The following CAND2 variants were observed in gnomAD, a reference collection of about 807,000 sequenced individuals.
The protein encoded by CAND2 is cullin associated and neddylation dissociated 2 (putative).
In CAND2, 62 loss-of-function variants were observed where a neutral mutation model predicts 98.9. The observed-to-expected ratio is 0.63, with a 90% CI of 0.51 to 0.77. The LOEUF is 0.77. CAND2 is among the 30% of genes least tolerant of loss of function. The pLI is 0.00. For missense variants in CAND2, 1,501 were observed against 1,655.2 expected (o/e 0.91, Z 1.62); for synonymous variants, 770 against 731.9 (o/e 1.05, Z -0.84).
intron 2 of CAND2, among the ~76,000 whole-genome samples, chr3:12,804,993 G>GT (rs2061795545): frequency 6.6e-6 from 1 of 152,196 alleles, no homozygotes; most frequent in Admixed American, 6.5e-5. Context: ...ATAACAAATA[G>GT]TTTGTAATAC....
intron 1 of CAND2, among the ~76,000 whole-genome samples, chr3:12,798,350 A>AT (rs1195719681): frequency 2.0e-5 from 3 of 151,636 alleles, no homozygotes; most frequent in African/African-American, 7.3e-5. Flanking sequence ...AGCTCCCATC[A>AT]TGCCTCCCCT....
chr3:12,815,863 A>T lies in CAND2; in HGVS notation c.1300-4A>T. 6.2e-7 allele frequency: 1 copy of T among 1,611,438 alleles called. No individual in the cohort carries two copies. The highest frequency in any genetic ancestry group is 8.5e-7 in the Non-Finnish European group (1 of 1,178,246). On this transcript the variant is annotated splice_polypyrimidine_tract_variant and splice_region_variant and intron_variant, in intron 8 of 14. Coordinates refer to ENST00000456430, the MANE Select transcript of CAND2 (RefSeq NM_001162499.2). The surrounding 1 kb of genome is among the most constrained non-coding windows in gnomAD (Gnocchi z 5.7). ...TGACCTTGACTTCCCCCTCCTGCCC[A>T]CAGGTGCCCCTTGTGGTCAAGGCCC...
At chr3:12,796,842 T>C (rs2124826945) in intron 1 of CAND2, 54 bp downstream of exon 1, 2 of 1,444,014 alleles carry the variant, frequency 1.4e-6, no homozygotes, top group Middle Eastern at 1.7e-4. Flanking sequence ...GCCGGGGGCC[T>C]TCTTCCCCTC....
intron 1 of CAND2, 110 bp from the exon 2 acceptor site, chr3:12,803,378 G>T: frequency 9.9e-7 from 1 of 1,014,668 alleles, no homozygotes. Flanking sequence ...GACTGCATTT[G>T]ACCTCGAATC....
rs539271019 is a variant in CAND2, at chr3:12,815,298, C to T, written c.1164C>T (p.Arg388=). Residue 388 remains arginine, a synonymous_variant, in exon 8 of 15, where the codon CGC becomes CGT. Coordinates refer to ENST00000456430, the MANE Select transcript of CAND2 (RefSeq NM_001162499.2). This position sits in a 1 kb window ranked among gnomAD's most constrained non-coding sequence, Gnocchi z 5.7. ...TGCTCATCCGCCGCTTCAAAGAACG[C>T]GAGGAGAACGTCAAGGCTGACGTCT... ...APVLIRRFKE[R]EENVKADVFT... 57 of 1,613,856 alleles carry T rather than the reference C, an allele frequency of 3.5e-5. No individual in the cohort carries two copies. Among genetic ancestry groups the T allele is most frequent in the Non-Finnish European group, 4.4e-5 (52 of 1,180,048 alleles).
intron 12 of CAND2, 133 bp downstream of exon 12, chr3:12,825,772 C>T (rs887023004): frequency 1.0e-6 from 1 of 954,968 alleles, no homozygotes; most frequent in African/African-American, 1.6e-5. Context: ...TGCCCTGACT[C>T]CGAGCTGTGG....
chr3:12,815,007 G>T lies in CAND2; in HGVS notation c.1007-134G>T. The T allele has an allele frequency of 1.2e-6, 1 of 812,986 alleles. No homozygotes were observed. The allele number at this position is 812,986 out of a possible 1,614,324, so 50.4% of individuals were successfully genotyped here. ...TAAAAGGTAGGGAATGTTCCCCATA[G>T]GGTATCTATAAATGCTGATCATCAA... On this transcript the variant is annotated intron_variant, in intron 7 of 14. Coordinates refer to ENST00000456430, the MANE Select transcript of CAND2 (RefSeq NM_001162499.2). This position sits in a 1 kb window ranked among gnomAD's most constrained non-coding sequence, Gnocchi z 5.7.
At chr3:12,832,477 G>A (rs2062061818) in intron 14 of CAND2, 1 of 152,188 alleles carries the variant, frequency 6.6e-6, no homozygotes, top group Middle Eastern at 3.2e-3. Context: ...GGCAAGAGAA[G>A]CTCTGCCCTG....
chr3:12,820,137 C>T lies in CAND2; in HGVS notation c.2996C>T (p.Ser999Leu), dbSNP rs201649898. 1.0e-4 allele frequency: 166 copies of T among 1,614,190 alleles called. 1 individual carries two copies. In the East Asian group the frequency reaches 3.3e-3, roughly 32 times the overall value. ...TVITAVKFLI[S>L]DQPHPIDPLL... ...ATCACAGCGGTCAAGTTCCTTATCT[C>T]GGACCAGCCCCATCCCATTGACCCC... Residue 999 changes from serine to leucine, a missense_variant, in exon 11 of 15, where the codon TCG (serine) becomes TTG (leucine). By Grantham distance (145) the Ser-to-Leu change is moderately radical (BLOSUM62 -2). Transcript: ENST00000456430.
chr3:12,826,436 G>T (rs2061999762), intron 12 of CAND2, among the ~76,000 whole-genome samples: 1 of 151,294 alleles, frequency 6.6e-6, no homozygotes, highest in East Asian at 1.9e-4. Context: ...CTTTTTTGTT[G>T]TTTTTTTTTG....
chr3:12,799,700 G>T (rs1287052524), intron 1 of CAND2, among the ~76,000 whole-genome samples: 2 of 152,206 alleles, frequency 1.3e-5, no homozygotes, highest in Non-Finnish European at 2.9e-5. Flanking sequence ...ATGAGCCTCT[G>T]CCCTCAGTGA....
intron 1 of CAND2, 114 bp downstream of exon 1, chr3:12,796,902 C>T: frequency 1.2e-6 from 1 of 839,858 alleles, no homozygotes; most frequent in Non-Finnish European, 2.0e-6. Flanking sequence ...TGCCTCTTCT[C>T]TCTTCTCCCT....
At chr3:12,799,920 A>T (rs1025318219) in intron 1 of CAND2, among the ~76,000 whole-genome samples, 2 of 149,446 alleles carry the variant, frequency 1.3e-5, no homozygotes, top group Non-Finnish European at 2.9e-5. Flanking sequence ...GAATAGGAGG[A>T]GCTCAACAGA....
chr3:12,830,537 C>A (rs2062044538), intron 13 of CAND2, among the ~76,000 whole-genome samples: 1 of 152,210 alleles, frequency 6.6e-6, no homozygotes, highest in African/African-American at 2.4e-5. Context: ...TCCAGTCTGG[C>A]CATATCCTCT....
At chr3:12,809,519 C>A (rs1334845414) in intron 4 of CAND2, among the ~76,000 whole-genome samples, 1 of 152,028 alleles carries the variant, frequency 6.6e-6, no homozygotes, top group Non-Finnish European at 1.5e-5. Context: ...AATGCACGGG[C>A]CTCGTTTGAA....
intron 11 of CAND2, among the ~76,000 whole-genome samples, chr3:12,822,168 A>G (rs1249752434): frequency 1.3e-5 from 2 of 151,924 alleles, no homozygotes; most frequent in Non-Finnish European, 2.9e-5. Context: ...TTTATTCATC[A>G]ATTTATTTGT....
Position 12,817,632 on chromosome 3 carries a change from G to C in CAND2, c.2700G>C (p.Leu900=), listed in dbSNP as rs763801091. 1 of 1,613,564 alleles carries C rather than the reference G, an allele frequency of 6.2e-7. No homozygotes were observed. The highest frequency in any genetic ancestry group is 8.5e-7 in the Non-Finnish European group (1 of 1,179,972). ...AGSLPDFLPF[L]LEQIEAEPRR... ...GCCTGCCCGACTTCCTGCCCTTCCT[G>C]CTGGAGCAGATCGAGGCTGAGCCCC... Residue 900 remains leucine (L), a synonymous_variant, in exon 10 of 15, where the codon CTG becomes CTC. Coordinates refer to ENST00000456430, the MANE Select transcript of CAND2 (RefSeq NM_001162499.2).
intron 12 of CAND2, 61 bp downstream of exon 12, chr3:12,825,700 C>A: frequency 6.9e-7 from 1 of 1,444,576 alleles, no homozygotes; most frequent in Non-Finnish European, 9.5e-7. Context: ...TCATGCCTCA[C>A]TGTTAGGGCA....
intron 13 of CAND2, 56 bp downstream of exon 13, chr3:12,827,660 C>T: frequency 6.7e-7 from 1 of 1,500,360 alleles, no homozygotes; most frequent in South Asian, 1.3e-5. Flanking sequence ...GATAGTCGGG[C>T]ACCATTGGGG....
Sources: gnomAD v4.1 joint callset for allele counts (sites outside exome capture counted in the v4.1 genomes callset) on GRCh38, gnomAD v4.1.1 for gene constraint, Gnocchi (gnomAD v3.1) non-coding constraint, MANE v1.5 for transcripts, NCBI Gene and HGNC (gene_info 2026-07-23, HGNC 2026-07-21) for gene names.